CCDC91: variants seen among roughly 807,000 people sequenced by gnomAD.
The protein encoded by CCDC91 is coiled-coil domain containing 91.
A neutral mutation model predicts 63.2 loss-of-function variants in CCDC91; 48 were observed. The ratio of observed to expected loss-of-function variants is 0.76; its 90% CI spans 0.60 to 0.97. The LOEUF (loss-of-function observed/expected upper bound fraction) is 0.97. CCDC91 is among the 50% of genes least tolerant of loss of function. The pLI is 0.00. For missense variants in CCDC91, 500 were observed against 494.6 expected, an observed-to-expected ratio of 1.01 and a Z score of -0.10; for synonymous variants, 167 against 165.8, an observed-to-expected ratio of 1.01 and a Z score of -0.06.
At chr12:28,486,991 A>T (rs1384996191) in intron 12 of CCDC91, among the ~76,000 whole-genome samples, 2 of 151,948 alleles carry the variant, frequency 1.3e-5, no homozygotes, top group African/African-American at 4.8e-5. Context: ...TATCATCTTT[A>T]CCACATTATT....
At chr12:28,328,691 TG>T (rs1273708008) in intron 6 of CCDC91, among the ~76,000 whole-genome samples, 19 of 152,310 alleles carry the variant, frequency 1.2e-4, no homozygotes, top group Non-Finnish European at 2.2e-4. Flanking sequence ...AATGATGTTC[TG>T]TTGTTCATTT....
At chr12:28,334,060 GTA>G (rs1310583996) in intron 6 of CCDC91, among the ~76,000 whole-genome samples, 16 of 148,928 alleles carry the variant, frequency 1.1e-4, no homozygotes, top group Non-Finnish European at 1.9e-4. Flanking sequence ...GTGTGTGTGT[GTA>G]TGTGTATGTG....
At chr12:28,432,744 G>A (rs534770651) in intron 8 of CCDC91, among the ~76,000 whole-genome samples, 2 of 152,128 alleles carry the variant, frequency 1.3e-5, no homozygotes, top group African/African-American at 4.8e-5. Flanking sequence ...CCACAGAAGT[G>A]TGATTTCTGG....
In CCDC91 at chr12:28,239,499, A is replaced by C. The variant is rs529199991; in HGVS notation, c.-14-17703A>C. ...TCATACTCTTTGAGCTAATCATTCT[A>C]TATCTGGGAGTTCATATTAAGGTAT... On this transcript the variant is annotated intron_variant, in intron 1 of 12. Transcript: ENST00000536442. 3.3e-5 allele frequency among the ~76,000 whole-genome samples: 5 copies of C among 152,304 alleles called. 1 individual carries two copies. The South Asian group carries it at 1.0e-3, about 32-fold the overall frequency.
intron 8 of CCDC91, among the ~76,000 whole-genome samples, chr12:28,412,103 T>C (rs1947354778): frequency 6.6e-6 from 1 of 152,208 alleles, no homozygotes; most frequent in Non-Finnish European, 1.5e-5. Flanking sequence ...TGTACATGTT[T>C]GTAGCCTAGG....
At chr12:28,302,644 G>T (rs147160330) in intron 3 of CCDC91, 18,954 of 984,558 alleles carry the variant, frequency 0.019, 215 homozygotes, top group South Asian at 0.037. Context: ...AGTATGGTGT[G>T]ACTGGAGTGA....
At chr12:28,257,075 A>G in intron 1 of CCDC91, 127 bp from the exon 2 acceptor site, 6 of 546,868 alleles carry the variant, frequency 1.1e-5, no homozygotes, top group South Asian at 4.5e-5. Flanking sequence ...TCTTTTTTGC[A>G]TAAAAAATGC....
chr12:28,306,296 C>CA (rs938572804), intron 4 of CCDC91, among the ~76,000 whole-genome samples: 4 of 151,978 alleles, frequency 2.6e-5, no homozygotes, highest in Non-Finnish European at 4.4e-5. Context: ...AAGTGCTGTA[C>CA]ACAATTTTGA....
At chr12:28,305,474 A>G (rs1938610520) in intron 3 of CCDC91, among the ~76,000 whole-genome samples, 175 bp from the exon 4 acceptor site, 1 of 152,008 alleles carries the variant, frequency 6.6e-6, no homozygotes, top group African/African-American at 2.4e-5. Flanking sequence ...TTTAGCTTTC[A>G]CAGATTGGGC....
At chr12:28,375,955 G>A (rs1236898150) in intron 7 of CCDC91, among the ~76,000 whole-genome samples, 1 of 151,876 alleles carries the variant, frequency 6.6e-6, no homozygotes, top group Admixed American at 6.6e-5. Context: ...CTCAACAGTT[G>A]TGATTGATCA....
chr12:28,212,707 C>G (rs566556132), intron 1 of CCDC91, among the ~76,000 whole-genome samples: 1 of 152,018 alleles, frequency 6.6e-6, no homozygotes, highest in African/African-American at 2.4e-5. Context: ...TGAACAAGTC[C>G]GTTTTTTATT....
chr12:28,234,247 A>C (rs1228401584), intron 1 of CCDC91, among the ~76,000 whole-genome samples: 1 of 152,144 alleles, frequency 6.6e-6, no homozygotes, highest in Non-Finnish European at 1.5e-5. Context: ...AATCTTTTCT[A>C]TGAACACAGG....
intron 3 of CCDC91, among the ~76,000 whole-genome samples, chr12:28,269,195 T>G (rs1318892770): frequency 6.6e-6 from 1 of 152,118 alleles, no homozygotes; most frequent in Non-Finnish European, 1.5e-5. Context: ...CCTCCCTCTT[T>G]TTAAAGGTTG....
chr12:28,417,631 A>ATG (rs1461236294), intron 8 of CCDC91, among the ~76,000 whole-genome samples: 7 of 116,224 alleles, frequency 6.0e-5, no homozygotes, highest in Non-Finnish European at 1.4e-4. Context: ...ATATATATAT[A>ATG]TATATATATA....
At chr12:28,419,955 C>T (rs1277162511) in intron 8 of CCDC91, among the ~76,000 whole-genome samples, 1 of 151,992 alleles carries the variant, frequency 6.6e-6, no homozygotes, top group Non-Finnish European at 1.5e-5. Flanking sequence ...TGGGTTCCTA[C>T]TGTGTCTCCC....
intron 6 of CCDC91, among the ~76,000 whole-genome samples, chr12:28,351,939 A>T (rs985421710): frequency 2.0e-5 from 3 of 152,088 alleles, no homozygotes; most frequent in Non-Finnish European, 2.9e-5. Context: ...TTCTCCACAG[A>T]TCTTTTCTGG....
intron 6 of CCDC91, among the ~76,000 whole-genome samples, chr12:28,322,597 T>G (rs1397502676): frequency 6.6e-6 from 1 of 151,818 alleles, no homozygotes. Context: ...CTTCTCTGCT[T>G]CCTTATTTTT....
At chr12:28,416,875 T>C (rs1947695629) in intron 8 of CCDC91, among the ~76,000 whole-genome samples, 2 of 152,170 alleles carry the variant, frequency 1.3e-5, no homozygotes, top group Admixed American at 1.3e-4. Flanking sequence ...TGTAGTATTA[T>C]GTATATGAAT....
At chr12:28,543,561 C>A (rs1464783513) in intron 12 of CCDC91, among the ~76,000 whole-genome samples, 2 of 152,028 alleles carry the variant, frequency 1.3e-5, no homozygotes, top group Admixed American at 1.3e-4. Flanking sequence ...CTTGGACATC[C>A]CCGAGTGTCC....
Sources: allele counts gnomAD v4.1 joint callset (sites outside exome capture counted in the v4.1 genomes callset), GRCh38; gene constraint gnomAD v4.1.1; transcripts MANE v1.5; gene names NCBI Gene and HGNC (gene_info 2026-07-23, HGNC 2026-07-21).